Variants in ATP23 observed in about 807,000 individuals in gnomAD.
ATP23 encodes the protein ATP23 metallopeptidase and ATP synthase assembly factor homolog, also known as mitochondrial inner membrane protease ATP23 homolog.
Under a neutral mutation model 28.5 loss-of-function variants are expected in ATP23, and 24 were observed. The ratio of observed to expected loss-of-function variants is 0.84; its 90% CI spans 0.61 to 1.18. ATP23 has a LOEUF of 1.18. Among genes scored for constraint, ATP23 ranks in the 50% most tolerant of loss-of-function variants. The pLI, the probability that ATP23 is intolerant of heterozygous loss-of-function variation, is 0.00. For missense variants in ATP23, 274 were observed against 306.4 expected (o/e 0.89, Z 0.79); for synonymous variants, 99 against 108.6 (o/e 0.91, Z 0.55).
chr12:57,958,576 C>G lies in ATP23; in HGVS notation c.*1686C>G, dbSNP rs1956890475. 6.6e-6 allele frequency among the ~76,000 whole-genome samples: 1 copy of G among 152,176 alleles called. No homozygotes were observed. The highest frequency in any genetic ancestry group is 2.4e-5 in the African/African-American group (1 of 41,436). ...CATCACAGGATTCTGTGCAGGCAACCCCCAGTACCAGCATGGAGCTGGGTA... is the reference window on the plus strand; with the variant it reads ...CATCACAGGATTCTGTGCAGGCAACGCCCAGTACCAGCATGGAGCTGGGTA... On this transcript the variant is annotated 3_prime_UTR_variant, in exon 6 of 6. Transcript: ENST00000300145.
In ATP23 at chr12:57,951,747, G is replaced by T. The variant is rs766402591; in HGVS notation, c.316-11G>T. 1 of 1,610,342 alleles carries T rather than the reference G, an allele frequency of 6.2e-7. No homozygotes were observed. The highest frequency in any genetic ancestry group is 8.5e-7 in the Non-Finnish European group (1 of 1,177,254). On this transcript the variant is annotated splice_polypyrimidine_tract_variant and intron_variant, in intron 3 of 5. Coordinates refer to ENST00000300145, the MANE Select transcript of ATP23 (RefSeq NM_033276.4). ...GAATCACTGAACTTCTTTTATTTTG[G>T]TGTCTCCTAGATAGTTTTGTGCCAG...
rs375919754 is a variant in ATP23 at position 57,954,316 on chromosome 12, T to A, written c.537+627T>A. On this transcript the variant is annotated intron_variant, in intron 5 of 5. Coordinates refer to ENST00000300145, the MANE Select transcript of ATP23 (RefSeq NM_033276.4). ...TACTGTTATTCTAACAATTCTTGAC[T>A]TCTATTTTGAATCTACCATAGCATT... Among the ~76,000 whole-genome samples the A allele has an allele frequency of 8.6e-4, 131 of 152,308 alleles. 1 individual carries two copies. Among genetic ancestry groups the A allele is most frequent in the Middle Eastern group, 6.8e-3 (2 of 294 alleles).
At chr12:57,942,644 T>C (rs1956717949) in intron 1 of ATP23, among the ~76,000 whole-genome samples, 1 of 152,100 alleles carries the variant, frequency 6.6e-6, no homozygotes, top group African/African-American at 2.4e-5. Context: ...AGGATGGTCT[T>C]GATCTCCTGA....
chr12:57,946,026 C>T (rs34998911), intron 2 of ATP23, among the ~76,000 whole-genome samples: 19,441 of 151,810 alleles, frequency 0.13, 2,134 homozygotes, highest in African/African-American at 0.3. Flanking sequence ...CCACCATGCC[C>T]GGCTAATTTT....
In ATP23 at chr12:57,951,873, T is replaced by G. The variant is rs370991833; in HGVS notation, c.431T>G (p.Ile144Ser). ...GCCCATGTCGACTGGTTCACCAACATCAGACATTTGGCGTGCTCAGAGGTG... is the reference window on the plus strand; with the variant it reads ...GCCCATGTCGACTGGTTCACCAACAGCAGACATTTGGCGTGCTCAGAGGTG... ...CRAHVDWFTN[I>S]RHLACSEVRA... The change falls in exon 4 of 6, where the codon ATC (isoleucine) becomes AGC (serine). Residue 144 changes from isoleucine to serine, a missense_variant. By Grantham distance (142) the Ile-to-Ser change is moderately radical (BLOSUM62 -2). Transcript: ENST00000300145. The G allele has an allele frequency of 1.5e-5, 24 of 1,614,086 alleles. No individual in the cohort carries two copies. The African/African-American group carries it at 3.1e-4, about 21-fold the overall frequency.
rs35301187 is a variant in ATP23, at chr12:57,942,425, ATTTTT to A, written c.187+549_187+553del. On this transcript the variant is annotated intron_variant, in intron 1 of 5. Transcript: ENST00000300145. ...TGTGTGTGTGTGTGCCCCTAAGTGC[ATTTTT>A]TTTTTTTTTTTGAGACGGAGTCTCG... 2.6e-3 allele frequency among the ~76,000 whole-genome samples: 357 copies of A among 139,154 alleles called. 2 individuals are homozygous for A. The highest frequency in any genetic ancestry group is 8.9e-3 in the African/African-American group (336 of 37,758). 91.3% of individuals were successfully genotyped at this position (139,154 alleles called of 152,430 possible). A position where few individuals can be genotyped will look rare whatever the true frequency, so the allele number is the denominator to read the frequency against.
intron 3 of ATP23, among the ~76,000 whole-genome samples, chr12:57,950,841 C>T (rs1463158779): frequency 2.6e-5 from 4 of 152,168 alleles, no homozygotes; most frequent in African/African-American, 7.2e-5. Context: ...ATTGTATATG[C>T]TCATGACAAC....
At chr12:57,944,775 G>A (rs1050658991) in intron 1 of ATP23, among the ~76,000 whole-genome samples, 2 of 152,192 alleles carry the variant, frequency 1.3e-5, no homozygotes, top group Non-Finnish European at 2.9e-5. Flanking sequence ...TGAAAGTAGT[G>A]TGGTCCTAGT....
intron 3 of ATP23, chr12:57,949,832 T>C (rs1454714958): frequency 6.6e-6 from 1 of 152,098 alleles, no homozygotes; most frequent in African/African-American, 2.4e-5. Context: ...ACTTGAAATG[T>C]GTAAGTCCAA....
rs1565876402 is a variant in ATP23 at position 57,951,741 on chromosome 12, AT to A, written c.316-13del. The A allele has an allele frequency of 6.2e-7, 1 of 1,610,116 alleles. No homozygotes were observed. The highest frequency in any genetic ancestry group is 1.7e-5 in the Admixed American group (1 of 59,824). On this transcript the variant is annotated splice_polypyrimidine_tract_variant and intron_variant, in intron 3 of 5. Coordinates refer to ENST00000300145, the MANE Select transcript of ATP23 (RefSeq NM_033276.4). Reference sequence around the variant, plus strand: ...ATTTTAGAATCACTGAACTTCTTTTATTTTGGTGTCTCCTAGATAGTTTTGT... The same window carrying A: ...ATTTTAGAATCACTGAACTTCTTTTATTTGGTGTCTCCTAGATAGTTTTGT...
At chr12:57,943,981 CTTTTTTTT>C (rs766959594) in intron 1 of ATP23, among the ~76,000 whole-genome samples, 1 of 95,028 alleles carries the variant, frequency 1.1e-5, no homozygotes, top group Non-Finnish European at 2.2e-5. Context: ...ATGGGAGTCT[CTTTTTTTT>C]TTTTTTTTTT....
intron 3 of ATP23, among the ~76,000 whole-genome samples, chr12:57,950,660 G>C (rs979196825): frequency 6.6e-6 from 1 of 151,882 alleles, no homozygotes; most frequent in African/African-American, 2.4e-5. Context: ...AAGTAGCTGG[G>C]ACTATAGGCA....
intron 4 of ATP23, among the ~76,000 whole-genome samples, chr12:57,952,154 T>A (rs1316821168): frequency 6.6e-6 from 1 of 152,100 alleles, no homozygotes; most frequent in African/African-American, 2.4e-5. Flanking sequence ...TTTTTTCCTA[T>A]GGAATATATT....
At chr12:57,941,944 G>A in intron 1 of ATP23, 56 bp downstream of exon 1, 3 of 1,586,286 alleles carry the variant, frequency 1.9e-6, no homozygotes, top group Non-Finnish European at 2.6e-6. Context: ...AGACCGGGTG[G>A]GCGAGGAAGG....
In ATP23 at chr12:57,956,912, A is replaced by G. The variant is rs543882861; in HGVS notation, c.*22A>G. 1.0e-5 allele frequency: 16 copies of G among 1,567,380 alleles called. No individual in the cohort carries two copies. The highest frequency in any genetic ancestry group is 1.7e-4 in the Middle Eastern group (1 of 5,766). ...ATGAGCACAATGACATTTTTATATT[A>G]CAGAGCTTCCATCATCATGAAGAAA... On this transcript the variant is annotated 3_prime_UTR_variant, in exon 6 of 6. Coordinates refer to ENST00000300145, the MANE Select transcript of ATP23 (RefSeq NM_033276.4).
intron 5 of ATP23, among the ~76,000 whole-genome samples, chr12:57,955,614 T>G (rs1592281344): frequency 6.6e-6 from 1 of 152,356 alleles, no homozygotes; most frequent in Non-Finnish European, 1.5e-5. Context: ...CACTTGTGTC[T>G]CCCAACCCTG....
rs756891417 is a variant in ATP23 at position 57,956,695 on chromosome 12, G to A, written c.546G>A (p.Val182=). 1 of 1,607,616 alleles carries A rather than the reference G, an allele frequency of 6.2e-7. No individual in the cohort carries two copies. Among genetic ancestry groups the A allele is most frequent in the Admixed American group, 1.7e-5 (1 of 58,872 alleles). Residue 182 remains valine (V), a synonymous_variant, in exon 6 of 6, where the codon GTG becomes GTA. Transcript: ENST00000300145. ...CTTTTCCTTCTTTTTAGACTTGTGT[G>A]CGAGACAGAGCCACTCTTTCTATCC... ...FGLKQHHQTC[V]RDRATLSILA...
chr12:57,942,532 TCCTG>T (rs1956716533), intron 1 of ATP23, among the ~76,000 whole-genome samples: 2 of 151,970 alleles, frequency 1.3e-5, no homozygotes, highest in South Asian at 4.1e-4. Flanking sequence ...CACGCCGTTC[TCCTG>T]CCTCAGCCTC....
At chr12:57,945,064 C>T (rs1217157188) in intron 1 of ATP23, among the ~76,000 whole-genome samples, 1 of 152,146 alleles carries the variant, frequency 6.6e-6, no homozygotes, top group African/African-American at 2.4e-5. Flanking sequence ...TACCGTAATA[C>T]AACGTGTTTG....
Sources: gnomAD v4.1 joint callset for allele counts (sites outside exome capture counted in the v4.1 genomes callset) on GRCh38, gnomAD v4.1.1 for gene constraint, MANE v1.5 for transcripts, NCBI Gene and HGNC (gene_info 2026-07-23, HGNC 2026-07-21) for gene names.